NRF1: variants seen among roughly 807,000 people sequenced by gnomAD.
The protein encoded by NRF1 is nuclear respiratory factor 1, also known as alpha palindromic-binding protein.
A neutral mutation model predicts 58.5 loss-of-function variants in NRF1; 5 were observed. The ratio of observed to expected loss-of-function variants is 0.09; its 90% CI spans 0.04 to 0.18. The LOEUF (loss-of-function observed/expected upper bound fraction) is 0.18, where lower values mean the gene tolerates loss of function less well. Ranked by LOEUF, NRF1 falls within the 10% of genes least tolerant of loss-of-function variation. The pLI is 1.00. For synonymous variants in NRF1, 224 were observed against 246.7 expected, an observed-to-expected ratio of 0.91 and a Z score of 0.86; for missense variants, 288 against 657.7, an observed-to-expected ratio of 0.44 and a Z score of 6.15.
chr7:129,691,752 TG>T (rs924636346), intron 5 of NRF1, among the ~76,000 whole-genome samples: 3 of 152,200 alleles, frequency 2.0e-5, no homozygotes, highest in Non-Finnish European at 4.4e-5. Flanking sequence ...TTGACATAGT[TG>T]ATTACTCCTT....
At chr7:129,617,130 C>G (rs575032335) in intron 1 of NRF1, among the ~76,000 whole-genome samples, 1 of 152,224 alleles carries the variant, frequency 6.6e-6, no homozygotes, top group African/African-American at 2.4e-5. Context: ...CTTAAGAACT[C>G]TTTAAGTGGT....
At chr7:129,752,950 C>G (rs1004572681) in intron 10 of NRF1, among the ~76,000 whole-genome samples, 2 of 152,138 alleles carry the variant, frequency 1.3e-5, no homozygotes, top group African/African-American at 4.8e-5. Flanking sequence ...GCCACGTCTT[C>G]CATTTCGGTG....
At chr7:129,744,801 G>T (rs1046452718) in intron 10 of NRF1, among the ~76,000 whole-genome samples, 12 of 151,908 alleles carry the variant, frequency 7.9e-5, no homozygotes, top group Non-Finnish European at 1.2e-4. Context: ...TTTTTTTGTG[G>T]TTTTTTTCCT....
At chr7:129,638,980 C>A (rs1173712137) in intron 1 of NRF1, among the ~76,000 whole-genome samples, 4 of 152,068 alleles carry the variant, frequency 2.6e-5, no homozygotes, top group Non-Finnish European at 5.9e-5. Context: ...TACTGTGCCT[C>A]TAATTTTGAT....
intron 4 of NRF1, among the ~76,000 whole-genome samples, chr7:129,685,370 G>C (rs1394279101): frequency 6.6e-6 from 1 of 152,124 alleles, no homozygotes; most frequent in African/African-American, 2.4e-5. Flanking sequence ...GAACAAACCT[G>C]CGTGACAGAG....
intron 8 of NRF1, among the ~76,000 whole-genome samples, chr7:129,716,475 T>C (rs1803191969): frequency 6.6e-6 from 1 of 152,202 alleles, no homozygotes; most frequent in Admixed American, 6.5e-5. Flanking sequence ...AACTTTATTA[T>C]GTATTTATTT....
chr7:129,628,454 C>T (rs10954248), intron 1 of NRF1, among the ~76,000 whole-genome samples: 45,079 of 151,618 alleles, frequency 0.3, 8,334 homozygotes, highest in Non-Finnish European at 0.42. Flanking sequence ...AAAAAATAAC[C>T]CTGTACATGT....
chr7:129,661,548 G>A (rs2151077777), intron 2 of NRF1, among the ~76,000 whole-genome samples: 1 of 150,944 alleles, frequency 6.6e-6, no homozygotes, highest in Non-Finnish European at 1.5e-5. Context: ...AATCTCTAGG[G>A]CAGGGGCAAA....
chr7:129,692,601 T>A (rs968791720), intron 5 of NRF1, among the ~76,000 whole-genome samples: 2 of 152,284 alleles, frequency 1.3e-5, no homozygotes, highest in African/African-American at 4.8e-5. Flanking sequence ...TTTATTTATT[T>A]ATTTAATTCA....
At chr7:129,616,785 A>G (rs937995656) in intron 1 of NRF1, among the ~76,000 whole-genome samples, 5 of 152,196 alleles carry the variant, frequency 3.3e-5, no homozygotes, top group African/African-American at 9.7e-5. Context: ...TCCAACTGCT[A>G]CTGAACCATC....
In NRF1 at chr7:129,700,950, G is replaced by A. The variant is rs117737022; in HGVS notation, c.607-8125G>A. ...AGGAAAAGAAAGAGAGAATATATAC[G>A]TAACAAATAAAAACACTGGATGTGT... On this transcript the variant is annotated intron_variant, in intron 5 of 10. Transcript: ENST00000393232. 4.7e-4 allele frequency among the ~76,000 whole-genome samples: 72 copies of A among 152,122 alleles called. No individual in the cohort carries two copies. The East Asian group carries it at 0.013, about 27-fold the overall frequency.
chr7:129,752,554 T>C lies in NRF1; in HGVS notation c.1349-2464T>C, dbSNP rs192368292. Among the ~76,000 whole-genome samples the C allele has an allele frequency of 4.7e-4, 72 of 152,226 alleles. 1 individual carries two copies. The highest frequency in any genetic ancestry group is 3.7e-3 in the Admixed American group (57 of 15,300). On this transcript the variant is annotated intron_variant, in intron 10 of 10. Coordinates refer to ENST00000393232, the MANE Select transcript of NRF1 (RefSeq NM_005011.5). ...ATGTTTGAGATGAGGGGAGTAACAT[T>C]ATGGAAAGATATTTTGGCTGGGTGT...
intron 10 of NRF1, among the ~76,000 whole-genome samples, chr7:129,729,314 T>C (rs1265758966): frequency 1.3e-5 from 2 of 152,202 alleles, no homozygotes; most frequent in Non-Finnish European, 2.9e-5. Context: ...CCCGCTACTA[T>C]TGATTACTGG....
intron 1 of NRF1, among the ~76,000 whole-genome samples, chr7:129,645,039 C>G (rs1013836289): frequency 6.7e-6 from 1 of 148,948 alleles, no homozygotes; most frequent in African/African-American, 2.5e-5. Context: ...CATTATTTCA[C>G]CCAGTGTAAA....
intron 1 of NRF1, among the ~76,000 whole-genome samples, chr7:129,619,066 T>C (rs1023103780): frequency 4.6e-5 from 7 of 151,762 alleles, no homozygotes; most frequent in Non-Finnish European, 8.8e-5. Flanking sequence ...TGCTTAACCA[T>C]ATCAGGAGTG....
intron 9 of NRF1, among the ~76,000 whole-genome samples, chr7:129,718,949 G>A (rs912702554): frequency 6.6e-6 from 1 of 152,132 alleles, no homozygotes; most frequent in Admixed American, 6.5e-5. Flanking sequence ...TCTCATCGCG[G>A]TGTCCAACCT....
chr7:129,666,712 A>T (rs1011935406), intron 2 of NRF1, among the ~76,000 whole-genome samples: 10 of 152,184 alleles, frequency 6.6e-5, no homozygotes, highest in South Asian at 2.1e-4. Context: ...TTGTATTTTT[A>T]GTAGAGATGG....
At chr7:129,752,371 G>GA (rs1804139380) in intron 10 of NRF1, among the ~76,000 whole-genome samples, 2 of 150,696 alleles carry the variant, frequency 1.3e-5, no homozygotes, top group Non-Finnish European at 3.0e-5. Flanking sequence ...TAGTCTGGGG[G>GA]TGGGGGGCAC....
At chr7:129,661,156 C>T (rs1446109047) in intron 2 of NRF1, among the ~76,000 whole-genome samples, 1 of 151,308 alleles carries the variant, frequency 6.6e-6, no homozygotes, top group Non-Finnish European at 1.5e-5. Flanking sequence ...ATACAGGGCA[C>T]CAAGCCCCTA....
Sources: gnomAD v4.1 joint callset for allele counts (sites outside exome capture counted in the v4.1 genomes callset) on GRCh38, gnomAD v4.1.1 for gene constraint, MANE v1.5 for transcripts, NCBI Gene and HGNC (gene_info 2026-07-23, HGNC 2026-07-21) for gene names.